Variants in RBFOX1 observed in about 807,000 individuals in gnomAD.
The protein encoded by RBFOX1 is RNA binding fox-1 homolog 1.
In RBFOX1, 8 loss-of-function variants were observed where a neutral mutation model predicts 57.7. That is an observed-to-expected ratio of 0.14 (90% confidence interval 0.08 to 0.25). RBFOX1 has a LOEUF of 0.25. Ranked by LOEUF, RBFOX1 falls within the 10% of genes least tolerant of loss-of-function variation. The pLI, the probability that RBFOX1 is intolerant of heterozygous loss-of-function variation, is 1.00. For synonymous variants in RBFOX1, 326 were observed against 222.4 expected (o/e 1.47, Z -4.15); for missense variants, 611 against 548.5 (o/e 1.11, Z -1.14).
At chr16:6,991,390 T>C (rs2091426205) in intron 3 of RBFOX1, among the ~76,000 whole-genome samples, 1 of 152,166 alleles carries the variant, frequency 6.6e-6, no homozygotes, top group South Asian at 2.1e-4. Context: ...GAGACATTAA[T>C]AAGCAACATT....
At chr16:6,720,894 C>G (rs775031058) in intron 3 of RBFOX1, among the ~76,000 whole-genome samples, 1 of 152,120 alleles carries the variant, frequency 6.6e-6, no homozygotes, top group Non-Finnish European at 1.5e-5. Context: ...TCCATTTTAC[C>G]TTAACATGAT....
At chr16:6,927,791 A>C (rs887507021) in intron 3 of RBFOX1, among the ~76,000 whole-genome samples, 4 of 152,200 alleles carry the variant, frequency 2.6e-5, no homozygotes, top group African/African-American at 9.7e-5. Context: ...TGTTGAATTA[A>C]GCCACCACCC....
At chr16:6,085,722 G>A (rs996631587) in intron 1 of RBFOX1, among the ~76,000 whole-genome samples, 7 of 152,152 alleles carry the variant, frequency 4.6e-5, no homozygotes, top group Admixed American at 6.5e-5. Context: ...GATGCAGCCC[G>A]TGGCGCTTAA....
chr16:5,821,463 C>T (rs1188277583), intron 3 of RBFOX1, among the ~76,000 whole-genome samples: 1 of 151,892 alleles, frequency 6.6e-6, no homozygotes, highest in African/African-American at 2.4e-5. Flanking sequence ...CCACTAAGCC[C>T]AGCTAATTTT....
chr16:7,414,890 T>G (rs1350435928), intron 4 of RBFOX1, among the ~76,000 whole-genome samples: 1 of 152,204 alleles, frequency 6.6e-6, no homozygotes, highest in Non-Finnish European at 1.5e-5. Context: ...AATGCTGGGA[T>G]TACAGGTGGT....
intron 4 of RBFOX1, among the ~76,000 whole-genome samples, chr16:7,065,727 A>G (rs1041147309): frequency 6.6e-6 from 1 of 152,146 alleles, no homozygotes; most frequent in East Asian, 1.9e-4. Context: ...TGTAGCCGCC[A>G]TGTTGCACAG....
At position 7,089,240 on chromosome 16, in the gene RBFOX1, C is replaced by T. The variant is rs545267196; in HGVS notation, c.27+37142C>T. ...AGGGCAAGTTTTCTCTTCGAGCTTG[C>T]GTATCACGAAAGAGGTATTTTGAAA... On this transcript the variant is annotated intron_variant, in intron 4 of 15. Coordinates refer to ENST00000550418, the MANE Select transcript of RBFOX1 (RefSeq NM_018723.4). Among the ~76,000 whole-genome samples, 137 of 152,234 alleles carry T rather than the reference C, an allele frequency of 9.0e-4. 1 individual carries two copies. The highest frequency in any genetic ancestry group is 3.2e-3 in the African/African-American group (131 of 41,532).
intron 4 of RBFOX1, among the ~76,000 whole-genome samples, chr16:5,885,363 C>T (rs1770567376): frequency 6.6e-6 from 1 of 151,650 alleles, no homozygotes. Flanking sequence ...CATTTTTCCC[C>T]TTAAATCATC....
At chr16:7,540,819 T>C (rs947104092) in intron 5 of RBFOX1, among the ~76,000 whole-genome samples, 1 of 152,202 alleles carries the variant, frequency 6.6e-6, no homozygotes, top group East Asian at 1.9e-4. Flanking sequence ...GTTTTGCAGA[T>C]TTAAGAAACC....
intron 4 of RBFOX1, among the ~76,000 whole-genome samples, chr16:7,495,628 A>T (rs566714769): frequency 5.9e-5 from 9 of 152,322 alleles, no homozygotes; most frequent in South Asian, 2.1e-4. Flanking sequence ...CTTTTGAGAA[A>T]TGTCTGTTTG....
At chr16:6,932,203 G>C (rs929936550) in intron 3 of RBFOX1, among the ~76,000 whole-genome samples, 1 of 152,056 alleles carries the variant, frequency 6.6e-6, no homozygotes. Context: ...TCCTGTGCTT[G>C]AGTGATTTCC....
chr16:6,632,412 G>C (rs2098396420), intron 2 of RBFOX1, among the ~76,000 whole-genome samples: 1 of 152,078 alleles, frequency 6.6e-6, no homozygotes, highest in Non-Finnish European at 1.5e-5. Flanking sequence ...GTTGTGTGTT[G>C]TCATCAGTGA....
At chr16:7,431,886 C>T (rs140651868) in intron 4 of RBFOX1, among the ~76,000 whole-genome samples, 266 of 152,312 alleles carry the variant, frequency 1.7e-3, no homozygotes, top group African/African-American at 5.9e-3. Context: ...GACCTTTCCC[C>T]CACCATCCAG....
intron 4 of RBFOX1, among the ~76,000 whole-genome samples, chr16:7,116,425 T>C (rs771984865): frequency 5.3e-5 from 8 of 152,244 alleles, no homozygotes; most frequent in Non-Finnish European, 1.0e-4. Context: ...TGCAGTGAAA[T>C]GCACCAACAT....
chr16:5,537,352 T>C (rs1301395167), intron 2 of RBFOX1, among the ~76,000 whole-genome samples: 3 of 152,174 alleles, frequency 2.0e-5, no homozygotes, highest in Admixed American at 2.0e-4. Flanking sequence ...GGAAGCGAAA[T>C]AGGTATTAGT....
intron 4 of RBFOX1, among the ~76,000 whole-genome samples, chr16:7,344,078 C>T (rs1379678211): frequency 6.7e-6 from 1 of 150,108 alleles, no homozygotes; most frequent in Non-Finnish European, 1.5e-5. Flanking sequence ...AGCCAGACTG[C>T]CTGGGTTAGA....
intron 2 of RBFOX1, among the ~76,000 whole-genome samples, chr16:6,340,835 G>C (rs2084459158): frequency 6.6e-6 from 1 of 152,158 alleles, no homozygotes; most frequent in Non-Finnish European, 1.5e-5. Flanking sequence ...ATTCAATATG[G>C]AGTTGCCCTT....
At chr16:5,928,678 C>T (rs1044596630) in intron 4 of RBFOX1, among the ~76,000 whole-genome samples, 6 of 149,680 alleles carry the variant, frequency 4.0e-5, no homozygotes, top group African/African-American at 1.5e-4. Context: ...TAGGTGCTTT[C>T]ACTCTCTGTG....
At chr16:6,291,128 C>G (rs1158698952) in intron 1 of RBFOX1, among the ~76,000 whole-genome samples, 1 of 152,210 alleles carries the variant, frequency 6.6e-6, no homozygotes, top group Non-Finnish European at 1.5e-5. Flanking sequence ...TGATTGCCAT[C>G]TTGGTTTTGG....
Sources: gnomAD v4.1 joint callset for allele counts (sites outside exome capture counted in the v4.1 genomes callset) on GRCh38, gnomAD v4.1.1 for gene constraint, MANE v1.5 for transcripts, NCBI Gene and HGNC (gene_info 2026-07-23, HGNC 2026-07-21) for gene names.